The following PPEF1 variants were observed in gnomAD, a reference collection of about 807,000 sequenced individuals.
PPEF1 encodes the protein protein phosphatase with EF-hand domain 1.
PPEF1 carries 12 observed loss-of-function variants against 53.3 expected under a neutral mutation model. The ratio of observed to expected loss-of-function variants is 0.23; its 90% confidence interval spans 0.14 to 0.36. PPEF1 has a LOEUF of 0.36. PPEF1 is among the 10% of genes least tolerant of loss of function. The pLI is 1.00. For missense variants in PPEF1, 334 were observed against 490.4 expected (o/e 0.68, Z 3.01); for synonymous variants, 165 against 176.7 (o/e 0.93, Z 0.52).
Position 18,787,695 on chromosome X carries a change from C to T in PPEF1, c.913-1426C>T, listed in dbSNP as rs188267788. On this transcript the variant is annotated intron_variant, in intron 9 of 15. Transcript: ENST00000470157. ...AGTACATTGGGAGGCCGAAGTGAGACGATCACTTGAGACCAGAAGTTCGAG... is the reference window on the plus strand; with the variant it reads ...AGTACATTGGGAGGCCGAAGTGAGATGATCACTTGAGACCAGAAGTTCGAG... Among the ~76,000 whole-genome samples, 32 of 104,338 alleles carry T rather than the reference C, an allele frequency of 3.1e-4. No homozygotes were observed. In the East Asian group the frequency reaches 7.5e-3, roughly 25 times the overall value. 90.6% of individuals were successfully genotyped at this position (104,338 alleles called of 115,157 possible). A position where few individuals can be genotyped will look rare whatever the true frequency, so the allele number is the denominator to read the frequency against.
chrX:18,801,915 C>T (rs978850939), intron 10 of PPEF1, among the ~76,000 whole-genome samples: 1 of 103,253 alleles, frequency 9.7e-6, no homozygotes, highest in Non-Finnish European at 2.0e-5. Flanking sequence ...ACCCAGGAGG[C>T]GGAGTTTGCA....
chrX:18,811,599 ATATATATATATATATATTTTT>A (rs983574543), intron 12 of PPEF1, among the ~76,000 whole-genome samples: 4 of 22,456 alleles, frequency 1.8e-4, no homozygotes, highest in Non-Finnish European at 3.1e-4. Context: ...ATATATATAT[ATATATATATATATATATTTTT>A]TTTTTTTTTT....
At chrX:18,805,518 G>A (rs760881433) in intron 11 of PPEF1, among the ~76,000 whole-genome samples, 20 of 111,188 alleles carry the variant, frequency 1.8e-4, no homozygotes, top group Non-Finnish European at 3.2e-4. Flanking sequence ...AGGACAGAAC[G>A]GGGCCTAAAC....
upstream of PPEF1, among the ~76,000 whole-genome samples, chrX:18,678,828 T>C (rs1011587170): frequency 1.8e-5 from 2 of 110,499 alleles, no homozygotes; most frequent in African/African-American, 6.6e-5. Flanking sequence ...AACACAGCCG[T>C]ACCTCAGAGG....
intron 3 of PPEF1, among the ~76,000 whole-genome samples, chrX:18,747,648 A>G (rs773086355): frequency 1.8e-5 from 2 of 110,901 alleles, no homozygotes; most frequent in Non-Finnish European, 3.8e-5. Flanking sequence ...GTTTTTTTGT[A>G]TTTTTTGTAG....
At chrX:18,726,816 C>T (rs1292281954) in intron 1 of PPEF1, among the ~76,000 whole-genome samples, 9 of 110,014 alleles carry the variant, frequency 8.2e-5, no homozygotes, top group Non-Finnish European at 1.1e-4. Context: ...CGTGTACCAC[C>T]GTGCCCAGCT....
chrX:18,677,030 ACAATCTT>A, intron 1 of PPEF1, among the ~76,000 whole-genome samples: 1 of 100,552 alleles, frequency 9.9e-6, no homozygotes, highest in Non-Finnish European at 2.0e-5. Context: ...AGGTGTCATC[ACAATCTT>A]TTTTTTTTTT....
intron 1 of PPEF1, among the ~76,000 whole-genome samples, chrX:18,683,512 A>G (rs1316819235): frequency 2.7e-5 from 3 of 111,842 alleles, no homozygotes; most frequent in Non-Finnish European, 5.6e-5. Context: ...CTGTACTATT[A>G]TCATAGTTTG....
chrX:18,825,722 T>G lies in PPEF1; in HGVS notation c.1666-29T>G, dbSNP rs2047153360. On this transcript the variant is annotated intron_variant, in intron 14 of 15. Coordinates refer to ENST00000470157, the MANE Select transcript of PPEF1 (RefSeq NM_001377996.1). ...CGATCAGTGTCATGAATTCAATATG[T>G]TCTAACACTTAGAAAATCTTTATTT... The G allele has an allele frequency of 2.9e-6, 3 of 1,037,401 alleles. No homozygotes were observed. In the East Asian group the frequency reaches 9.5e-5, roughly 33 times the overall value. The allele number at this position is 1,037,401 out of a possible 1,213,427, so 85.5% of individuals were successfully genotyped here.
exon 1 of PPEF1, chrX:18,675,958 G>C (rs866598106): frequency 1.3e-4 from 8 of 61,691 alleles, no homozygotes; most frequent in Non-Finnish European, 2.4e-4. Flanking sequence ...CATTTGGGCG[G>C]GGGGGGGGGG....
chrX:18,717,735 AT>A (rs1340913965), intron 1 of PPEF1, among the ~76,000 whole-genome samples: 1 of 111,155 alleles, frequency 9.0e-6, no homozygotes, highest in Non-Finnish European at 1.9e-5. Context: ...TGCATGAACT[AT>A]TTATGTGGAC....
At chrX:18,679,609 G>A (rs1427637257), upstream of PPEF1, among the ~76,000 whole-genome samples, 1 of 111,741 alleles carries the variant, frequency 8.9e-6, no homozygotes, top group African/African-American at 3.3e-5. Context: ...AGTAGCCTCA[G>A]ATCTTGGCCT....
chrX:18,739,550 G>A (rs2045090952), intron 3 of PPEF1, among the ~76,000 whole-genome samples: 1 of 111,956 alleles, frequency 8.9e-6, no homozygotes. Context: ...CCCCTCCTGG[G>A]AGTTGTCTCC....
intron 13 of PPEF1, 79 bp from the exon 14 acceptor site, chrX:18,823,844 C>T: frequency 5.6e-6 from 6 of 1,076,076 alleles, no homozygotes; most frequent in Non-Finnish European, 7.6e-6. Context: ...CCCATGCTGC[C>T]CTGGCTCTCC....
chrX:18,679,522 A>G (rs1004194727), upstream of PPEF1, among the ~76,000 whole-genome samples: 9 of 111,779 alleles, frequency 8.1e-5, no homozygotes, highest in Admixed American at 7.6e-4. Flanking sequence ...TGCAAGATCT[A>G]TCTATGCTAG....
intron 4 of PPEF1, among the ~76,000 whole-genome samples, chrX:18,694,453 T>TA (rs201959896): frequency 0.016 from 1,699 of 108,198 alleles, 15 homozygotes; most frequent in Non-Finnish European, 0.025. Flanking sequence ...GATATTGTAT[T>TA]AAAAAAAAAA....
chrX:18,764,273 G>A (rs1368972496), intron 6 of PPEF1, among the ~76,000 whole-genome samples: 6 of 111,547 alleles, frequency 5.4e-5, no homozygotes, highest in African/African-American at 9.8e-5. Flanking sequence ...GGGGCACCAC[G>A]TGGACCCAGA....
At chrX:18,767,234 TTATAAGGTG>T (rs897742934) in intron 6 of PPEF1, among the ~76,000 whole-genome samples, 4 of 110,828 alleles carry the variant, frequency 3.6e-5, no homozygotes, top group African/African-American at 1.3e-4. Flanking sequence ...GAGTTTCAAG[TTATAAGGTG>T]TATACTCTTA....
intron 1 of PPEF1, among the ~76,000 whole-genome samples, chrX:18,721,734 G>T (rs759979180): frequency 2.7e-5 from 3 of 111,859 alleles, no homozygotes; most frequent in African/African-American, 9.7e-5. Context: ...TGGTGGGTAC[G>T]AGAGTAAGTA....
Sources: gnomAD v4.1 joint callset for allele counts (sites outside exome capture counted in the v4.1 genomes callset) on GRCh38, gnomAD v4.1.1 for gene constraint, MANE v1.5 for transcripts, NCBI Gene and HGNC (gene_info 2026-07-23, HGNC 2026-07-21) for gene names.